The following USP28 variants were observed in gnomAD, a reference collection of about 807,000 sequenced individuals.
USP28 encodes the protein ubiquitin specific peptidase 28.
In USP28, 113 loss-of-function variants were observed where a neutral mutation model predicts 145.0. The observed-to-expected ratio is 0.78, with a 90% CI of 0.67 to 0.91. The LOEUF (loss-of-function observed/expected upper bound fraction) is 0.91. USP28 is among the 40% of genes least tolerant of loss of function. The probability of loss-of-function intolerance (pLI) is 0.00; values close to 1 mark genes in which losing one functional copy is unlikely to be tolerated. For synonymous variants in USP28, 447 were observed against 450.9 expected (o/e 0.99, Z 0.11); for missense variants, 1,201 against 1,289.6 (o/e 0.93, Z 1.05).
chr11:113,803,983 C>A, intron 21 of USP28, 106 bp from the exon 23 acceptor site: 1 of 932,940 alleles, frequency 1.1e-6, no homozygotes, highest in Non-Finnish European at 1.6e-6. Flanking sequence ...GCACATCTGG[C>A]TAGCCACAAA....
intron 1 of USP28, chr11:113,874,492 T>G: frequency 8.6e-7 from 1 of 1,156,770 alleles, no homozygotes; most frequent in Non-Finnish European, 1.1e-6. Flanking sequence ...GACAAAAGAG[T>G]AAAAAGGTAT....
chr11:113,837,959 C>G (rs1944753690), intron 5 of USP28, among the ~76,000 whole-genome samples: 1 of 152,108 alleles, frequency 6.6e-6, no homozygotes, highest in Non-Finnish European at 1.5e-5. Flanking sequence ...TGTCACTTCT[C>G]CACTGTCTCA....
chr11:113,846,441 C>A (rs1049919297), intron 3 of USP28, among the ~76,000 whole-genome samples: 4 of 152,112 alleles, frequency 2.6e-5, no homozygotes, highest in African/African-American at 9.7e-5. Context: ...TATAAGTCCA[C>A]TTATATGAAG....
exon 21 of USP28, chr11:113,804,737 A>T (rs1939635586): frequency 6.2e-7 from 1 of 1,614,218 alleles, no homozygotes; most frequent in Non-Finnish European, 8.5e-7. Flanking sequence ...AGCCACCTTC[A>T]TAATGCTGAT....
At chr11:113,799,371 C>G (rs199667306) in exon 25 of USP28, 1 of 1,614,164 alleles carries the variant, frequency 6.2e-7, no homozygotes, top group Non-Finnish European at 8.5e-7. Flanking sequence ...GCAGAAGGAT[C>G]TAGAAGTCTG....
At chr11:113,862,839 C>T (rs1427169265) in intron 1 of USP28, among the ~76,000 whole-genome samples, 2 of 152,122 alleles carry the variant, frequency 1.3e-5, no homozygotes, top group Admixed American at 6.6e-5. Context: ...ATCCAACACA[C>T]ATTCATAATA....
intron 11 of USP28, among the ~76,000 whole-genome samples, chr11:113,826,867 C>T (rs573298542): frequency 9.4e-5 from 14 of 149,228 alleles, no homozygotes; most frequent in Admixed American, 6.1e-4. Context: ...TTCGGTGAGC[C>T]GAGATTGCGC....
intron 3 of USP28, among the ~76,000 whole-genome samples, chr11:113,843,244 T>C (rs879301865): frequency 7.9e-5 from 12 of 151,392 alleles, no homozygotes; most frequent in South Asian, 2.1e-4. Flanking sequence ...TCTGGAAATA[T>C]AGACTGGAAA....
intron 1 of USP28, among the ~76,000 whole-genome samples, chr11:113,866,770 CAT>C (rs2137027829): frequency 6.6e-6 from 1 of 152,242 alleles, no homozygotes; most frequent in African/African-American, 2.4e-5. Context: ...ATAGAATTAC[CAT>C]ATGAGTCAAC....
intron 3 of USP28, among the ~76,000 whole-genome samples, chr11:113,844,954 A>G (rs760240365): frequency 4.0e-5 from 6 of 151,800 alleles, no homozygotes; most frequent in Non-Finnish European, 8.8e-5. Flanking sequence ...AAAATTCAAA[A>G]GAAATAAAAA....
rs1405217214 is a variant in USP28, at chr11:113,832,837, C to T, written c.759+583G>A. 2.6e-5 allele frequency among the ~76,000 whole-genome samples: 4 copies of T among 152,148 alleles called. No homozygotes were observed. In the East Asian group the frequency reaches 5.8e-4, roughly 22 times the overall value. ...CCAGGCTGGAGTACAGTAGTGCAAT[C>T]ACAGCTTATTGCAGCCTCAAACTCC... On this transcript the variant is annotated intron_variant, in intron 7 of 24. Transcript: ENST00000003302.
At chr11:113,853,898 T>C (rs1439472127) in intron 2 of USP28, among the ~76,000 whole-genome samples, 4 of 120,454 alleles carry the variant, frequency 3.3e-5, no homozygotes, top group Non-Finnish European at 7.3e-5. Context: ...AAAAAGTATA[T>C]ATATATACAT....
chr11:113,822,487 AGAGAGAG>A (rs1942770359), intron 12 of USP28: 2 of 141,270 alleles, frequency 1.4e-5, no homozygotes, highest in Non-Finnish European at 3.2e-5. Flanking sequence ...AGAGAGAGAG[AGAGAGAG>A]AGAGAGATGG....
At chr11:113,809,476 ATTAG>A (rs1343141249) in intron 16 of USP28, among the ~76,000 whole-genome samples, 2 of 152,124 alleles carry the variant, frequency 1.3e-5, no homozygotes, top group Non-Finnish European at 2.9e-5. Context: ...AATCTGCACA[ATTAG>A]TTATAGTTGA....
At chr11:113,814,276 A>G (rs1380967385) in intron 14 of USP28, among the ~76,000 whole-genome samples, 1 of 152,194 alleles carries the variant, frequency 6.6e-6, no homozygotes, top group Non-Finnish European at 1.5e-5. Context: ...GAAATGAGAA[A>G]GCAGAACAAA....
At chr11:113,831,281 T>C (rs1007089170) in intron 8 of USP28, among the ~76,000 whole-genome samples, 7 of 152,178 alleles carry the variant, frequency 4.6e-5, no homozygotes, top group Admixed American at 6.5e-5. Flanking sequence ...AGAAGCAGTA[T>C]AAAGGTAAGA....
chr11:113,825,001 A>G (rs1326376578), intron 11 of USP28, among the ~76,000 whole-genome samples: 1 of 152,168 alleles, frequency 6.6e-6, no homozygotes, highest in Non-Finnish European at 1.5e-5. Flanking sequence ...CAACCAATCA[A>G]AATCCCAATA....
rs749532887 is a variant in USP28 at position 113,812,233 on chromosome 11, A to G, written c.1972+43T>C. ...AAGACTGTTCTTCTCCCTGAGCAGTACAGATTTTCCCCAATCTATAGATTC... is the reference window on the plus strand; with the variant it reads ...AAGACTGTTCTTCTCCCTGAGCAGTGCAGATTTTCCCCAATCTATAGATTC... On this transcript the variant is annotated intron_variant, in intron 16 of 24. Coordinates refer to ENST00000003302, the Ensembl canonical transcript of USP28. The G allele has an allele frequency of 2.0e-6, 3 of 1,515,136 alleles. No individual in the cohort carries two copies. In the South Asian group the frequency reaches 3.4e-5, roughly 17 times the overall value. The allele number at this position is 1,515,136 out of a possible 1,614,324, so 93.9% of individuals were successfully genotyped here. A position where few individuals can be genotyped will look rare whatever the true frequency, so the allele number is the denominator to read the frequency against.
rs142776236 is a variant in USP28, at chr11:113,805,018, T to A, written c.2429A>T (p.Tyr810Phe). ...GGTGGGGGTCTCTTTGGCAAGCTGA[T>A]AGAGCCTGGAGTATTCTTCATGGAA... The change falls in exon 20 of 25, where the codon TAT becomes TTT. Residue 810 changes from tyrosine to phenylalanine, a missense_variant. Coordinates refer to ENST00000003302, the Ensembl canonical transcript of USP28. The A allele has an allele frequency of 2.8e-5, 46 of 1,614,054 alleles. 1 individual carries two copies. The African/African-American group carries it at 5.7e-4, about 20-fold the overall frequency.
Sources: allele counts gnomAD v4.1 joint callset (sites outside exome capture counted in the v4.1 genomes callset), GRCh38; gene constraint gnomAD v4.1.1; transcripts MANE v1.5; gene names NCBI Gene and HGNC (gene_info 2026-07-23, HGNC 2026-07-21).